Variants in DMTF1 observed in about 807,000 individuals in gnomAD.
DMTF1 encodes cyclin D binding myb like transcription factor 1.
DMTF1 carries 39 observed loss-of-function variants against 91.1 expected under a neutral mutation model. The observed-to-expected ratio is 0.43, with a 90% confidence interval of 0.33 to 0.56. The LOEUF (loss-of-function observed/expected upper bound fraction) is 0.56, where lower values mean the gene tolerates loss of function less well. Among genes scored for constraint, DMTF1 ranks in the 20% least tolerant of loss-of-function variants. The pLI is 0.05. For synonymous variants in DMTF1, 338 were observed against 309.5 expected (o/e 1.09, Z -0.97); for missense variants, 750 against 914.5 (o/e 0.82, Z 2.32).
In DMTF1 at chr7:87,193,907, T is replaced by G; in HGVS notation, c.1833T>G (p.Thr611=). The G allele has an allele frequency of 6.2e-7, 1 of 1,613,336 alleles. No individual in the cohort carries two copies. The highest frequency in any genetic ancestry group is 1.1e-5 in the South Asian group (1 of 91,064). ...CTCCAGACGCCCTAGAAGCAGACAC[T>G]TTCCCAGATGAAATTCATCACCCTA... ...PEPPDALEAD[T]FPDEIHHPKM... The change falls in exon 16 of 18, where the codon ACT becomes ACG. Residue 611 remains threonine (T), a synonymous_variant. Coordinates refer to ENST00000331242, the MANE Select transcript of DMTF1 (RefSeq NM_001142327.2).
rs763153463 is a variant in DMTF1, at chr7:87,170,856, G to T, written c.233-139G>T. The T allele has an allele frequency of 1.1e-5, 7 of 638,244 alleles. No homozygotes were observed. The Admixed American group carries it at 1.9e-4, about 17-fold the overall frequency. 39.5% of individuals were successfully genotyped at this position (638,244 alleles called of 1,614,324 possible). ...GCACATTAAGTATTATTAAGCAAATGAATGTATGTATGTGAAGATGTATTA... is the reference window on the plus strand; with the variant it reads ...GCACATTAAGTATTATTAAGCAAATTAATGTATGTATGTGAAGATGTATTA... On this transcript the variant is annotated intron_variant, in intron 4 of 17. Coordinates refer to ENST00000331242, the MANE Select transcript of DMTF1 (RefSeq NM_001142327.2).
chr7:87,163,982 C>T (rs1225467285), intron 2 of DMTF1, among the ~76,000 whole-genome samples: 6 of 147,112 alleles, frequency 4.1e-5, no homozygotes, highest in Admixed American at 3.5e-4. Flanking sequence ...GTTCAAGGCT[C>T]TAGGACCCTT....
At chr7:87,154,098 T>G (rs892773903) in intron 1 of DMTF1, 1 of 152,240 alleles carries the variant, frequency 6.6e-6, no homozygotes, top group African/African-American at 2.4e-5. Context: ...TTTCATGTAT[T>G]TGGTTAGGAT....
chr7:87,154,960 A>G (rs1003535868), intron 1 of DMTF1, among the ~76,000 whole-genome samples: 4 of 152,198 alleles, frequency 2.6e-5, no homozygotes, highest in African/African-American at 7.2e-5. Flanking sequence ...TCCAAAATCT[A>G]CAGACTCTAA....
Position 87,190,947 on chromosome 7 carries a change from T to C in DMTF1, c.1414T>C (p.Ser472Pro), listed in dbSNP as rs201548370. Reference sequence around the variant, plus strand: ...AGCTTACCTTATTCTTACCACAGCTTCAGCAGACTCTCCTGCTACCGTTGA... The same window carrying C: ...AGCTTACCTTATTCTTACCACAGCTCCAGCAGACTCTCCTGCTACCGTTGA... ...QIPVQITHVS[S>P]ADSPATVDSE... The change falls in exon 14 of 18, where the codon TCA becomes CCA. Residue 472 changes from serine to proline, a missense_variant and splice_region_variant. Ser to Pro is a moderately conservative substitution (Grantham distance 74, BLOSUM62 -1). This residue lies in a region of DMTF1 where 410 missense variants were observed against 420.2 expected (regional missense o/e 0.98). Coordinates refer to ENST00000331242, the MANE Select transcript of DMTF1 (RefSeq NM_001142327.2). 21 of 1,607,874 alleles carry C rather than the reference T, an allele frequency of 1.3e-5. No individual in the cohort carries two copies. The East Asian group carries it at 4.5e-4, about 34-fold the overall frequency.
chr7:87,182,053 C>T, intron 9 of DMTF1, 175 bp from the exon 10 acceptor site: 1 of 1,532,806 alleles, frequency 6.5e-7, no homozygotes, highest in Non-Finnish European at 8.7e-7. Flanking sequence ...TTTTCACCCA[C>T]AGACAACTGT....
At chr7:87,169,404 A>T (rs934944086) in intron 4 of DMTF1, among the ~76,000 whole-genome samples, 1 of 152,206 alleles carries the variant, frequency 6.6e-6, no homozygotes, top group Non-Finnish European at 1.5e-5. Flanking sequence ...GGCTGCAGTA[A>T]GCTGTGAGTG....
intron 4 of DMTF1, among the ~76,000 whole-genome samples, chr7:87,168,139 CT>C (rs1426946840): frequency 5.3e-5 from 8 of 152,172 alleles, no homozygotes; most frequent in Non-Finnish European, 8.8e-5. Context: ...AGCAATAAGA[CT>C]GATAAAGTTT....
At chr7:87,153,891 A>T (rs1331064433) in intron 1 of DMTF1, among the ~76,000 whole-genome samples, 1 of 152,148 alleles carries the variant, frequency 6.6e-6, no homozygotes, top group African/African-American at 2.4e-5. Flanking sequence ...TGTTTTTTTC[A>T]GTTAAGGGTT....
In DMTF1 at chr7:87,194,116, T is replaced by C. The variant is rs1424501838; in HGVS notation, c.2028+14T>C. Reference sequence around the variant, plus strand: ...TATGTTACTGAGGTAAGTTGTACTTTAAGAACAACTGAATGGATTCTTGCC... The same window carrying C: ...TATGTTACTGAGGTAAGTTGTACTTCAAGAACAACTGAATGGATTCTTGCC... On this transcript the variant is annotated intron_variant, in intron 16 of 17. Coordinates refer to ENST00000331242, the MANE Select transcript of DMTF1 (RefSeq NM_001142327.2). 3 of 1,544,760 alleles carry C rather than the reference T, an allele frequency of 1.9e-6. No homozygotes were observed. The highest frequency in any genetic ancestry group is 2.6e-6 in the Non-Finnish European group (3 of 1,148,390).
intron 1 of DMTF1, among the ~76,000 whole-genome samples, chr7:87,155,750 C>T (rs2129043041): frequency 6.6e-6 from 1 of 150,794 alleles, no homozygotes. Flanking sequence ...CACCCCCGCC[C>T]CACCCAAGTT....
intron 6 of DMTF1, among the ~76,000 whole-genome samples, chr7:87,174,315 C>T (rs1450459059): frequency 6.6e-6 from 1 of 151,238 alleles, no homozygotes; most frequent in Admixed American, 6.6e-5. Flanking sequence ...TTCTTTTTAG[C>T]TGTTCTATAT....
At position 87,195,054 on chromosome 7, in the gene DMTF1, G is replaced by A. The variant is rs768181880; in HGVS notation, c.2197G>A (p.Glu733Lys). The A allele has an allele frequency of 5.0e-6, 8 of 1,611,952 alleles. No individual in the cohort carries two copies. The highest frequency in any genetic ancestry group is 6.8e-6 in the Non-Finnish European group (8 of 1,178,756). The change falls in exon 18 of 18, where the codon GAA becomes AAA. Residue 733 changes from glutamate to lysine, a missense_variant. Glu to Lys is a moderately conservative substitution (Grantham distance 56). Around this residue, in one of 3 missense-constraint regions of DMTF1, gnomAD observed 410 missense variants for 420.2 expected, o/e 0.98. Transcript: ENST00000331242. ...LTDPILQHHQ[E>K]ESNIIGSSLG... ...AGATCCCATACTCCAACATCATCAGGAAGAATCAAATATCATTGGATCATC... is the reference window on the plus strand; with the variant it reads ...AGATCCCATACTCCAACATCATCAGAAAGAATCAAATATCATTGGATCATC...
chr7:87,165,120 A>G (rs1793514119), intron 3 of DMTF1, 70 bp downstream of exon 3: 15 of 1,094,294 alleles, frequency 1.4e-5, no homozygotes, highest in East Asian at 5.1e-5. Flanking sequence ...TTTGACCCCT[A>G]TTGCCCAAAT....
At chr7:87,173,413 A>G (rs1291094649) in intron 5 of DMTF1, 122 bp from the exon 6 acceptor site, 5 of 497,942 alleles carry the variant, frequency 1.0e-5, no homozygotes, top group Non-Finnish European at 1.8e-5. Context: ...TGAATTCCAT[A>G]TGACTATATT....
At chr7:87,193,505 A>G in intron 15 of DMTF1, 152 bp downstream of exon 15, 5 of 856,494 alleles carry the variant, frequency 5.8e-6, no homozygotes, top group Non-Finnish European at 9.0e-6. Context: ...CCTTCACTGG[A>G]GTGTATGTTT....
intron 12 of DMTF1, chr7:87,186,936 T>C (rs1798587329): frequency 6.6e-6 from 1 of 152,224 alleles, no homozygotes; most frequent in Admixed American, 6.5e-5. Flanking sequence ...GTGAGTTGTA[T>C]AATTTCAAAT....
In DMTF1 at chr7:87,178,773, C is replaced by CTT. The variant is rs34451577; in HGVS notation, c.520-759_520-758dup. Among the ~76,000 whole-genome samples the CTT allele has an allele frequency of 6.9e-3, 1,010 of 146,512 alleles. 14 individuals are homozygous for CTT. Among genetic ancestry groups the CTT allele is most frequent in the East Asian group, 0.031 (154 of 5,012 alleles). On this transcript the variant is annotated intron_variant, in intron 7 of 17. Coordinates refer to ENST00000331242, the MANE Select transcript of DMTF1 (RefSeq NM_001142327.2). ...TAAAATAAGCAAAGAAATGTACCCA[C>CTT]TTTTTTTTTTTTTTAAACTTTTGAT...
chr7:87,192,653 T>C (rs1800127406), intron 14 of DMTF1: 1 of 152,188 alleles, frequency 6.6e-6, no homozygotes, highest in Non-Finnish European at 1.5e-5. Flanking sequence ...AGTTTATTGG[T>C]CAATTTTATT....
Sources: gnomAD v4.1 joint callset for allele counts (sites outside exome capture counted in the v4.1 genomes callset) on GRCh38, gnomAD v4.1.1 for gene constraint, gnomAD v4.1.1 regional missense constraint, MANE v1.5 for transcripts, NCBI Gene and HGNC (gene_info 2026-07-23, HGNC 2026-07-21) for gene names.